Variants in CDC42BPB observed in about 807,000 individuals in gnomAD.
CDC42BPB encodes the protein serine/threonine-protein kinase MRCK beta.
Under a neutral mutation model 214.9 loss-of-function variants are expected in CDC42BPB, and 37 were observed. The ratio of observed to expected loss-of-function variants is 0.17; its 90% CI spans 0.13 to 0.23. The LOEUF (loss-of-function observed/expected upper bound fraction) is 0.23, where lower values mean the gene tolerates loss of function less well. CDC42BPB is among the 10% of genes least tolerant of loss of function. CDC42BPB has a pLI of 1.00. For missense variants in CDC42BPB, 1,694 were observed against 2,227.0 expected (o/e 0.76, Z 4.82); for synonymous variants, 931 against 884.0 (o/e 1.05, Z -0.94).
At chr14:102,976,684 G>A (rs1385276347) in intron 9 of CDC42BPB, among the ~76,000 whole-genome samples, 4 of 152,242 alleles carry the variant, frequency 2.6e-5, no homozygotes, top group African/African-American at 9.6e-5. Context: ...GAAATTTTGA[G>A]CTCCTACGCA....
chr14:102,933,882 C>A, intron 36 of CDC42BPB, 39 bp from the exon 37 acceptor site: 1 of 1,478,662 alleles, frequency 6.8e-7, no homozygotes, highest in Non-Finnish European at 8.9e-7. Context: ...ACCCGCTGCC[C>A]TAGCCTGGGG....
Position 102,991,989 on chromosome 14 carries a change from T to C in CDC42BPB, c.597-5409A>G, listed in dbSNP as rs11160710. On this transcript the variant is annotated intron_variant, in intron 5 of 36. Transcript: ENST00000361246. ...ACATAAAATGAAGAATTTGGTTCTT[T>C]TGTTGCACCAGCCACGTTTTGAGTG... Among the ~76,000 whole-genome samples the C allele has an allele frequency of 7.8e-3, 1,183 of 152,336 alleles. 15 individuals are homozygous for C. The highest frequency in any genetic ancestry group is 0.026 in the African/African-American group (1,082 of 41,566).
intron 34 of CDC42BPB, 142 bp from the exon 35 acceptor site, chr14:102,938,553 A>T (rs1443520267): frequency 1.4e-6 from 2 of 1,426,466 alleles, no homozygotes; most frequent in Non-Finnish European, 1.8e-6. Flanking sequence ...GGATTGGACA[A>T]GGGTTCTGGA....
chr14:102,988,762 G>A (rs144821547), intron 5 of CDC42BPB, among the ~76,000 whole-genome samples: 3,066 of 150,308 alleles, frequency 0.02, 54 homozygotes, highest in Non-Finnish European at 0.033. Flanking sequence ...TCCTTGTGCC[G>A]TATATAAGAA....
chr14:102,958,903 G>T (rs895554160), intron 21 of CDC42BPB, among the ~76,000 whole-genome samples: 1 of 151,832 alleles, frequency 6.6e-6, no homozygotes, highest in Non-Finnish European at 1.5e-5. Context: ...GAACTCCTGG[G>T]CTCAAGTGAT....
At chr14:102,959,034 C>A (rs555489963) in intron 21 of CDC42BPB, among the ~76,000 whole-genome samples, 1 of 150,352 alleles carries the variant, frequency 6.7e-6, no homozygotes, top group Admixed American at 6.6e-5. Context: ...TGGTGGCTCA[C>A]GCCTGTAATC....
Position 102,932,512 on chromosome 14 carries a change from CCAG to C in CDC42BPB, c.*1197_*1199del, listed in dbSNP as rs1383570565. 2 of 152,500 alleles carry C rather than the reference CCAG, an allele frequency of 1.3e-5. No individual in the cohort carries two copies. Among genetic ancestry groups the C allele is most frequent in the African/African-American group, 4.8e-5 (2 of 41,442 alleles). 9.4% of individuals were successfully genotyped at this position (152,500 alleles called of 1,614,324 possible). A position where few individuals can be genotyped will look rare whatever the true frequency, so the allele number is the denominator to read the frequency against. ...AAACCAGAACCCCCCAGGTGCCCAT[CCAG>C]CAGAAGGCCCAGGAGGGCAGTGGGG... On this transcript the variant is annotated 3_prime_UTR_variant, in exon 37 of 37. Transcript: ENST00000361246.
chr14:102,944,799 TC>T lies in CDC42BPB; in HGVS notation c.3812-313del. The T allele has an allele frequency of 5.1e-6, 2 of 393,018 alleles. No homozygotes were observed. The highest frequency in any genetic ancestry group is 6.9e-6 in the Non-Finnish European group (2 of 288,726). 24.3% of individuals were successfully genotyped at this position (393,018 alleles called of 1,614,324 possible). On this transcript the variant is annotated intron_variant, in intron 29 of 36. Transcript: ENST00000361246. This position sits in a 1 kb window ranked among gnomAD's most constrained non-coding sequence, Gnocchi z 6.6. ...ACCAGGGCTCCAGCTGGGCAGCGCT[TC>T]CACCTGGGTCCTCGCGCAGCAAGGC...
chr14:102,939,558 G>T (rs370955304), intron 34 of CDC42BPB, 52 bp downstream of exon 34: 83 of 1,286,680 alleles, frequency 6.5e-5, no homozygotes, highest in African/African-American at 6.3e-4. Flanking sequence ...CTGCCTGAGC[G>T]GGGAGGAGGA....
intron 25 of CDC42BPB, chr14:102,950,127 A>AC (rs1396082271): frequency 1.1e-5 from 11 of 984,102 alleles, no homozygotes; most frequent in Non-Finnish European, 1.2e-5. Flanking sequence ...CGCTGTGTCC[A>AC]CCCCATGCAG....
chr14:103,052,534 T>C (rs1030187189), intron 1 of CDC42BPB, among the ~76,000 whole-genome samples: 3 of 152,170 alleles, frequency 2.0e-5, no homozygotes, highest in South Asian at 4.1e-4. Context: ...GGGCTGGCCA[T>C]TCCCACACTA....
chr14:102,953,260 G>A (rs1328105879), intron 23 of CDC42BPB, among the ~76,000 whole-genome samples: 1 of 152,254 alleles, frequency 6.6e-6, no homozygotes, highest in Non-Finnish European at 1.5e-5. Flanking sequence ...GGGAGTGACC[G>A]ACACAAACTC....
intron 5 of CDC42BPB, among the ~76,000 whole-genome samples, chr14:102,988,663 G>A (rs1304453742): frequency 6.6e-6 from 1 of 152,058 alleles, no homozygotes; most frequent in African/African-American, 2.4e-5. Context: ...ACAGGACAAA[G>A]ATAATACGAA....
intron 30 of CDC42BPB, among the ~76,000 whole-genome samples, chr14:102,942,856 C>T (rs922068405): frequency 1.3e-5 from 2 of 151,974 alleles, no homozygotes; most frequent in African/African-American, 4.8e-5. Flanking sequence ...AGGCATGTGG[C>T]ACCGTGCCTG....
intron 2 of CDC42BPB, among the ~76,000 whole-genome samples, chr14:103,010,447 G>A (rs1009655871): frequency 3.9e-5 from 6 of 152,204 alleles, no homozygotes; most frequent in Non-Finnish European, 7.3e-5. Flanking sequence ...CCTCTGGTGA[G>A]ACTCACTCAT....
At chr14:102,971,794 TTACTTGGCTCCACAGAAAA>T in intron 13 of CDC42BPB, 106 bp downstream of exon 13, 1 of 912,900 alleles carries the variant, frequency 1.1e-6, no homozygotes, top group Non-Finnish European at 1.7e-6. Context: ...GCCGATCAAC[TTACTTGGCTCCACAGAAAA>T]TTTCTGACCC....
At chr14:102,984,455 C>T (rs910534405) in intron 6 of CDC42BPB, among the ~76,000 whole-genome samples, 1 of 152,132 alleles carries the variant, frequency 6.6e-6, no homozygotes, top group African/African-American at 2.4e-5. Flanking sequence ...CAGGCATTAG[C>T]CGGGTGCTCA....
intron 8 of CDC42BPB, among the ~76,000 whole-genome samples, chr14:102,979,308 G>T (rs574617612): frequency 6.6e-6 from 1 of 151,938 alleles, no homozygotes; most frequent in Non-Finnish European, 1.5e-5. Context: ...CACCTCTTGG[G>T]TTCAAGTGAT....
At position 102,956,002 on chromosome 14, in the gene CDC42BPB, T is replaced by G. The variant is rs550554332; in HGVS notation, c.2902-1314A>C. ...GGAAAGGCTAGCTCGACTGGCTAAT[T>G]ACCAAAGCTCAAAAATGTAAGCAAA... On this transcript the variant is annotated intron_variant, in intron 21 of 36. Transcript: ENST00000361246. Among the ~76,000 whole-genome samples, 4 of 152,218 alleles carry G rather than the reference T, an allele frequency of 2.6e-5. No individual in the cohort carries two copies. The East Asian group carries it at 5.8e-4, about 22-fold the overall frequency.
Sources: gnomAD v4.1 joint callset for allele counts (sites outside exome capture counted in the v4.1 genomes callset) on GRCh38, gnomAD v4.1.1 for gene constraint, Gnocchi (gnomAD v3.1) non-coding constraint, MANE v1.5 for transcripts, NCBI Gene and HGNC (gene_info 2026-07-23, HGNC 2026-07-21) for gene names.